Variants in TTLL5 observed in about 807,000 individuals in gnomAD.
TTLL5 encodes tubulin polyglutamylase TTLL5.
A neutral mutation model predicts 168.4 loss-of-function variants in TTLL5; 132 were observed. That is an observed-to-expected ratio of 0.78 (90% confidence interval 0.68 to 0.91). TTLL5 has a LOEUF of 0.91. TTLL5 is among the 40% of genes least tolerant of loss of function. The pLI is 0.00. For synonymous variants in TTLL5, 546 were observed against 558.6 expected, an observed-to-expected ratio of 0.98 and a Z score of 0.32; for missense variants, 1,545 against 1,581.5, an observed-to-expected ratio of 0.98 and a Z score of 0.39.
chr14:75,826,840 T>C (rs1489174096), intron 28 of TTLL5, among the ~76,000 whole-genome samples: 1 of 152,208 alleles, frequency 6.6e-6, no homozygotes, highest in Non-Finnish European at 1.5e-5. Context: ...AGAAGAACAT[T>C]GATGATCCAT....
chr14:75,783,832 A>G (rs138946453), intron 26 of TTLL5, among the ~76,000 whole-genome samples: 3 of 152,346 alleles, frequency 2.0e-5, no homozygotes, highest in East Asian at 1.9e-4. Flanking sequence ...ATAACCATCT[A>G]TGAGTGTGCT....
At chr14:75,931,131 C>T (rs1297279096) in intron 31 of TTLL5, among the ~76,000 whole-genome samples, 3 of 152,204 alleles carry the variant, frequency 2.0e-5, no homozygotes, top group African/African-American at 7.2e-5. Context: ...TTGTGCCCAG[C>T]ACAATTCTGG....
chr14:75,799,195 T>A (rs540082936), intron 27 of TTLL5, among the ~76,000 whole-genome samples: 3 of 152,196 alleles, frequency 2.0e-5, no homozygotes, highest in Non-Finnish European at 2.9e-5. Flanking sequence ...CCTATTGGAC[T>A]AGTCCTTTTA....
intron 27 of TTLL5, among the ~76,000 whole-genome samples, chr14:75,800,311 G>A (rs1254441320): frequency 6.6e-6 from 1 of 152,002 alleles, no homozygotes; most frequent in East Asian, 1.9e-4. Flanking sequence ...TTTATTTCCA[G>A]GAGTTATGAT....
At chr14:75,727,226 A>G (rs779636157) in intron 12 of TTLL5, among the ~76,000 whole-genome samples, 1 of 152,220 alleles carries the variant, frequency 6.6e-6, no homozygotes, top group East Asian at 1.9e-4. Context: ...GTTTATACGA[A>G]TATCTGTATA....
chr14:75,776,064 C>G (rs1253465193), intron 22 of TTLL5, among the ~76,000 whole-genome samples: 2 of 152,160 alleles, frequency 1.3e-5, no homozygotes, highest in African/African-American at 2.4e-5. Context: ...ATTTTACAGT[C>G]AAGCCCAAGA....
chr14:75,915,186 C>G (rs1042939223), intron 31 of TTLL5, among the ~76,000 whole-genome samples: 2 of 152,086 alleles, frequency 1.3e-5, no homozygotes, highest in Non-Finnish European at 2.9e-5. Context: ...AACTGTCTTT[C>G]TTATCTTCTG....
At chr14:75,784,566 G>A (rs188300671) in intron 26 of TTLL5, among the ~76,000 whole-genome samples, 6 of 152,280 alleles carry the variant, frequency 3.9e-5, no homozygotes, top group Middle Eastern at 3.4e-3. Flanking sequence ...GTAAGTTTTC[G>A]TGTGGACATA....
At chr14:75,804,815 C>A (rs192476720) in intron 27 of TTLL5, among the ~76,000 whole-genome samples, 17 of 152,294 alleles carry the variant, frequency 1.1e-4, no homozygotes, top group African/African-American at 4.1e-4. Flanking sequence ...AAGACCAATT[C>A]TTCTCTTGGC....
rs1202284534 is a variant in TTLL5, at chr14:75,863,671, C to CTGCAGACAGGGGGATT, written c.3335_3350dup (p.Trp1118AspfsTer44). 6.2e-7 allele frequency: 1 copy of CTGCAGACAGGGGGATT among 1,607,766 alleles called. No homozygotes were observed. The highest frequency in any genetic ancestry group is 8.5e-7 in the Non-Finnish European group (1 of 1,177,106). The stretch of plus-strand genomic sequence containing the variant: ...CCTGCTTGCTTTTCTCTTCAGGAGC[C>CTGCAGACAGGGGGATT]TGCAGACAGGGGGATTTGCCTGGGA... On this transcript the variant is annotated frameshift_variant, in exon 29 of 32. Transcript: ENST00000298832. LOFTEE classifies it high-confidence loss of function.
intron 31 of TTLL5, among the ~76,000 whole-genome samples, chr14:75,947,390 C>G (rs1193045726): frequency 6.6e-6 from 1 of 152,020 alleles, no homozygotes; most frequent in Non-Finnish European, 1.5e-5. Flanking sequence ...AAAAGCATAA[C>G]AAGAAATAAA....
At chr14:75,742,008 T>C (rs1313216937) in intron 15 of TTLL5, among the ~76,000 whole-genome samples, 1 of 152,154 alleles carries the variant, frequency 6.6e-6, no homozygotes, top group Non-Finnish European at 1.5e-5. Flanking sequence ...TTAAAAACAA[T>C]ACCCAGGAAT....
At chr14:75,849,762 G>A (rs981846175) in intron 28 of TTLL5, among the ~76,000 whole-genome samples, 2 of 152,180 alleles carry the variant, frequency 1.3e-5, no homozygotes, top group African/African-American at 4.8e-5. Flanking sequence ...GAAATCTTGT[G>A]AGCACAAAAG....
intron 31 of TTLL5, among the ~76,000 whole-genome samples, chr14:75,906,261 G>C (rs1033621696): frequency 6.6e-6 from 1 of 152,148 alleles, no homozygotes; most frequent in African/African-American, 2.4e-5. Flanking sequence ...TTTTCACCAC[G>C]TGTTGTATAG....
At chr14:75,892,271 C>T (rs1490541517) in intron 30 of TTLL5, among the ~76,000 whole-genome samples, 4 of 152,172 alleles carry the variant, frequency 2.6e-5, no homozygotes, top group African/African-American at 7.2e-5. Flanking sequence ...AAGAAGAAAA[C>T]CTACGGGACT....
chr14:75,880,193 T>C (rs2031730145), intron 29 of TTLL5, among the ~76,000 whole-genome samples: 1 of 152,100 alleles, frequency 6.6e-6, no homozygotes, highest in South Asian at 2.1e-4. Context: ...ATGGTGTGTA[T>C]GTATTCTTTT....
chr14:75,736,179 C>G (rs1159331159), intron 15 of TTLL5, among the ~76,000 whole-genome samples: 1 of 152,234 alleles, frequency 6.6e-6, no homozygotes, highest in South Asian at 2.1e-4. Context: ...TCTTTGAAGG[C>G]ATAAGCAGCT....
intron 31 of TTLL5, among the ~76,000 whole-genome samples, chr14:75,928,742 C>G (rs192778109): frequency 3.2e-4 from 48 of 152,116 alleles, no homozygotes; most frequent in African/African-American, 1.2e-3. Context: ...CTGGGCTGTC[C>G]CCTTAGTTGT....
Position 75,681,623 on chromosome 14 carries a change from A to C in TTLL5, c.260A>C (p.His87Pro). 2 of 1,612,964 alleles carry C rather than the reference A, an allele frequency of 1.2e-6. No individual in the cohort carries two copies. Among genetic ancestry groups the C allele is most frequent in the African/African-American group, 1.3e-5 (1 of 75,016 alleles). ...VRSILTAHGF[H>P]EVHPSSTDYN... ...AGCATTCTGACAGCCCATGGATTTC[A>C]TGAAGTAAGTTTATTTTTAATACCT... The change falls in exon 4 of 32, where the codon CAT (histidine) becomes CCT (proline). Residue 87 changes from histidine (H) to proline (P), a missense_variant. By Grantham distance (77) the His-to-Pro change is moderately conservative (BLOSUM62 -2). Transcript: ENST00000298832.
Sources: gnomAD v4.1 joint callset for allele counts (sites outside exome capture counted in the v4.1 genomes callset) on GRCh38, gnomAD v4.1.1 for gene constraint, MANE v1.5 for transcripts, NCBI Gene and HGNC (gene_info 2026-07-23, HGNC 2026-07-21) for gene names.